The following CCDC60 variants were observed in gnomAD, a reference collection of about 807,000 sequenced individuals.
The protein encoded by CCDC60 is coiled-coil domain containing 60.
In CCDC60, 54 loss-of-function variants were observed where a neutral mutation model predicts 63.5. The observed-to-expected ratio is 0.85, with a 90% CI of 0.68 to 1.07. The LOEUF (loss-of-function observed/expected upper bound fraction) is 1.07, where lower values mean the gene tolerates loss of function less well. CCDC60 is among the 50% of genes least tolerant of loss of function. The pLI, the probability that CCDC60 is intolerant of heterozygous loss-of-function variation, is 0.00. For synonymous variants in CCDC60, 206 were observed against 238.8 expected, an observed-to-expected ratio of 0.86 and a Z score of 1.27; for missense variants, 651 against 684.3, an observed-to-expected ratio of 0.95 and a Z score of 0.54.
At chr12:119,519,401 ATGTGTGTGTGTGTGTGTG>A (rs141127258) in intron 8 of CCDC60, among the ~76,000 whole-genome samples, 4 of 136,484 alleles carry the variant, frequency 2.9e-5, no homozygotes, top group East Asian at 2.1e-4. Flanking sequence ...AGTGATATAT[ATGTGTGTGTGTGTGTGTG>A]TGTGTGTGTG....
chr12:119,439,980 C>T (rs1345146455), intron 2 of CCDC60, among the ~76,000 whole-genome samples: 2 of 151,390 alleles, frequency 1.3e-5, no homozygotes, highest in African/African-American at 4.9e-5. Context: ...CCAAACACCG[C>T]ATGTTCTCAC....
At chr12:119,429,819 G>T (rs1956965715) in intron 2 of CCDC60, 1 of 152,170 alleles carries the variant, frequency 6.6e-6, no homozygotes, top group African/African-American at 2.4e-5. Context: ...CTATTGGAGG[G>T]TCTCTAGACA....
intron 1 of CCDC60, among the ~76,000 whole-genome samples, chr12:119,346,826 T>C (rs1235918897): frequency 1.6e-5 from 2 of 126,446 alleles, no homozygotes; most frequent in Non-Finnish European, 3.7e-5. Context: ...CTTTCTTTCT[T>C]TCTTTCTTTT....
intron 4 of CCDC60, among the ~76,000 whole-genome samples, chr12:119,482,327 T>C (rs772552355): frequency 2.6e-4 from 40 of 152,018 alleles, no homozygotes; most frequent in Non-Finnish European, 4.9e-4. Context: ...ACATAGGCTA[T>C]TACTATTATT....
intron 1 of CCDC60, among the ~76,000 whole-genome samples, chr12:119,412,583 A>C (rs960551049): frequency 6.6e-6 from 1 of 152,228 alleles, no homozygotes; most frequent in African/African-American, 2.4e-5. Flanking sequence ...AGAGCCCTGC[A>C]GCCAACAGGA....
intron 1 of CCDC60, among the ~76,000 whole-genome samples, chr12:119,423,875 C>A (rs998113508): frequency 2.0e-5 from 3 of 152,196 alleles, no homozygotes; most frequent in African/African-American, 7.2e-5. Flanking sequence ...TATTAGCTTA[C>A]ATCATTCCAG....
At chr12:119,388,347 G>A (rs967620043) in intron 1 of CCDC60, 6 of 152,232 alleles carry the variant, frequency 3.9e-5, no homozygotes, top group African/African-American at 1.4e-4. Flanking sequence ...AAGAAAGTGA[G>A]AGGAAACAGA....
chr12:119,507,565 T>TATAC (rs1952055966), intron 7 of CCDC60, among the ~76,000 whole-genome samples: 4 of 67,586 alleles, frequency 5.9e-5, no homozygotes, highest in Non-Finnish European at 9.7e-5. Flanking sequence ...TATATATATA[T>TATAC]ATATGTATAT....
At chr12:119,356,440 C>T (rs1190434611) in intron 1 of CCDC60, among the ~76,000 whole-genome samples, 4 of 152,162 alleles carry the variant, frequency 2.6e-5, no homozygotes, top group Non-Finnish European at 5.9e-5. Context: ...GTTCCTCACC[C>T]ATCTAATGCC....
chr12:119,455,882 AAAAG>A (rs1421224547), intron 2 of CCDC60, among the ~76,000 whole-genome samples: 1 of 148,136 alleles, frequency 6.8e-6, no homozygotes, highest in Admixed American at 6.7e-5. Context: ...GGAAGGAAGG[AAAAG>A]AAAGGAAAGA....
intron 3 of CCDC60, among the ~76,000 whole-genome samples, chr12:119,476,148 G>GA (rs1037101435): frequency 4.6e-5 from 7 of 151,070 alleles, no homozygotes; most frequent in East Asian, 1.9e-4. Flanking sequence ...ACTATGCAGG[G>GA]AAAAAAAAAT....
chr12:119,397,597 G>T (rs1010780583), intron 1 of CCDC60, among the ~76,000 whole-genome samples: 1 of 149,596 alleles, frequency 6.7e-6, no homozygotes, highest in Non-Finnish European at 1.5e-5. Flanking sequence ...CAATCTTCCA[G>T]CTAGACATAA....
intron 2 of CCDC60, chr12:119,433,772 ACCGTC>A (rs1206337505): frequency 3.3e-6 from 2 of 604,108 alleles, no homozygotes; most frequent in Non-Finnish European, 5.9e-6. Flanking sequence ...ATTCAATGGC[ACCGTC>A]CCTGGTTTCA....
At chr12:119,344,972 C>A (rs1955575865) in intron 1 of CCDC60, among the ~76,000 whole-genome samples, 1 of 151,984 alleles carries the variant, frequency 6.6e-6, no homozygotes, top group African/African-American at 2.4e-5. Context: ...CACCACCTCC[C>A]CATCCAGGTC....
At chr12:119,433,907 G>C (rs1366012430) in intron 2 of CCDC60, among the ~76,000 whole-genome samples, 2 of 152,182 alleles carry the variant, frequency 1.3e-5, no homozygotes, top group Non-Finnish European at 2.9e-5. Context: ...TGAATTTCTA[G>C]CGGAAGTTGA....
At chr12:119,474,668 T>C (rs1951138149) in intron 3 of CCDC60, among the ~76,000 whole-genome samples, 1 of 152,190 alleles carries the variant, frequency 6.6e-6, no homozygotes, top group African/African-American at 2.4e-5. Flanking sequence ...TACATTCTAC[T>C]CTTTAAAACA....
Position 119,477,136 on chromosome 12 carries a change from C to T in CCDC60, c.342-1958C>T, listed in dbSNP as rs540683470. On this transcript the variant is annotated intron_variant, in intron 3 of 13. Coordinates refer to ENST00000327554, the MANE Select transcript of CCDC60 (RefSeq NM_178499.5). ...GAGCTTGGTTCCTTTCCCTGTGGGC[C>T]TCCTCACAGGCTGCCAGCTTCCCCA... Among the ~76,000 whole-genome samples, 7 of 152,262 alleles carry T rather than the reference C, an allele frequency of 4.6e-5. No homozygotes were observed. The South Asian group carries it at 1.5e-3, about 32-fold the overall frequency.
rs182884347 is a variant in CCDC60, at chr12:119,500,946, C to T, written c.648+778C>T. ...CAGTTATTAAGAGGACACCAAGATA[C>T]AGATTCTTTTTACCCAAAAGTATTC... On this transcript the variant is annotated intron_variant, in intron 6 of 13. Coordinates refer to ENST00000327554, the MANE Select transcript of CCDC60 (RefSeq NM_178499.5). 4.7e-4 allele frequency among the ~76,000 whole-genome samples: 71 copies of T among 152,290 alleles called. 2 individuals carry two copies. The highest frequency in any genetic ancestry group is 3.0e-3 in the Admixed American group (46 of 15,300).
intron 1 of CCDC60, among the ~76,000 whole-genome samples, chr12:119,382,753 G>C (rs1364959551): frequency 6.6e-6 from 1 of 152,166 alleles, no homozygotes; most frequent in Non-Finnish European, 1.5e-5. Context: ...TAACTGTGAG[G>C]GGAGGCCATG....
Sources: gnomAD v4.1 joint callset for allele counts (sites outside exome capture counted in the v4.1 genomes callset) on GRCh38, gnomAD v4.1.1 for gene constraint, MANE v1.5 for transcripts, NCBI Gene and HGNC (gene_info 2026-07-23, HGNC 2026-07-21) for gene names.